MEIKIN: variants seen among roughly 807,000 people sequenced by gnomAD.
The protein encoded by MEIKIN is meiotic kinetochore factor.
At chr5:131,808,253 T>A (rs1054332702) in intron 12 of MEIKIN, among the ~76,000 whole-genome samples, 2 of 152,194 alleles carry the variant, frequency 1.3e-5, no homozygotes, top group African/African-American at 4.8e-5. Context: ...TTCACAGTCA[T>A]CCTCTCCACA....
intron 4 of MEIKIN, among the ~76,000 whole-genome samples, chr5:131,935,267 CAA>C (rs749135114): frequency 1.1e-4 from 4 of 36,628 alleles, no homozygotes; most frequent in African/African-American, 3.8e-4. Flanking sequence ...CCCGTCTCTA[CAA>C]AAAAAAAAAA....
chr5:131,930,947 T>G (rs1751679326), intron 5 of MEIKIN, among the ~76,000 whole-genome samples: 1 of 152,258 alleles, frequency 6.6e-6, no homozygotes, highest in Non-Finnish European at 1.5e-5. Context: ...TCAGACAATT[T>G]GTATATCTCC....
chr5:131,909,716 T>A (rs931872820), intron 8 of MEIKIN, among the ~76,000 whole-genome samples: 1 of 151,930 alleles, frequency 6.6e-6, no homozygotes, highest in Non-Finnish European at 1.5e-5. Context: ...CACAACTCTA[T>A]AGGAAAAACA....
intron 8 of MEIKIN, among the ~76,000 whole-genome samples, chr5:131,910,783 A>T (rs1751322973): frequency 6.6e-6 from 1 of 152,096 alleles, no homozygotes; most frequent in African/African-American, 2.4e-5. Flanking sequence ...TCTCTAGAGT[A>T]AGTGGCTTAT....
chr5:131,901,915 TC>T (rs2149639279), intron 8 of MEIKIN, among the ~76,000 whole-genome samples: 1 of 152,230 alleles, frequency 6.6e-6, no homozygotes, highest in East Asian at 1.9e-4. Context: ...TAGAAGTGGG[TC>T]CAATGTTGGA....
intron 6 of MEIKIN, among the ~76,000 whole-genome samples, chr5:131,917,954 G>T (rs1213745467): frequency 6.6e-6 from 1 of 152,012 alleles, no homozygotes; most frequent in African/African-American, 2.4e-5. Context: ...TCCCCCGAGG[G>T]TCCAGGCATA....
intron 10 of MEIKIN, among the ~76,000 whole-genome samples, chr5:131,853,041 G>A (rs1291631052): frequency 6.6e-6 from 1 of 152,144 alleles, no homozygotes; most frequent in African/African-American, 2.4e-5. Context: ...CTCCCATCAT[G>A]AGCATCTATT....
At chr5:131,836,583 T>C (rs1424776968) in intron 11 of MEIKIN, among the ~76,000 whole-genome samples, 2 of 152,158 alleles carry the variant, frequency 1.3e-5, no homozygotes, top group East Asian at 3.8e-4. Flanking sequence ...TTTTAATAAT[T>C]GCCATTCTAA....
intron 11 of MEIKIN, among the ~76,000 whole-genome samples, chr5:131,841,758 C>A (rs1190631441): frequency 6.6e-6 from 1 of 152,120 alleles, no homozygotes; most frequent in African/African-American, 2.4e-5. Context: ...CCTTCAATTT[C>A]TTTCATTAAT....
chr5:131,911,237 C>T (rs1751331436), intron 8 of MEIKIN, among the ~76,000 whole-genome samples: 1 of 151,878 alleles, frequency 6.6e-6, no homozygotes, highest in African/African-American at 2.4e-5. Flanking sequence ...GAAGATTATG[C>T]AAATATATAT....
chr5:131,870,567 C>T (rs1462995763), intron 9 of MEIKIN, among the ~76,000 whole-genome samples: 1 of 152,156 alleles, frequency 6.6e-6, no homozygotes, highest in Non-Finnish European at 1.5e-5. Context: ...TAGCCAATGG[C>T]CTTCTCAACA....
Position 131,817,777 on chromosome 5 carries a change from G to A in MEIKIN, c.1099+963C>T, listed in dbSNP as rs188396474. Reference sequence around the variant, plus strand: ...TCTCTATAGACTTAGAGAATGCTCAGGGCAGGTACTGTGGAGGAAATAAGT... The same window carrying A: ...TCTCTATAGACTTAGAGAATGCTCAAGGCAGGTACTGTGGAGGAAATAAGT... On this transcript the variant is annotated intron_variant, in intron 12 of 12. Coordinates refer to ENST00000442687, the MANE Select transcript of MEIKIN (RefSeq NM_001303622.2). Among the ~76,000 whole-genome samples, 269 of 152,244 alleles carry A rather than the reference G, an allele frequency of 1.8e-3. 1 individual carries two copies. Among genetic ancestry groups the A allele is most frequent in the Middle Eastern group, 0.014 (4 of 294 alleles).
Position 131,893,445 on chromosome 5 carries a change from C to G in MEIKIN, c.704-14397G>C, listed in dbSNP as rs6876827. 6.0e-3 allele frequency among the ~76,000 whole-genome samples: 918 copies of G among 152,316 alleles called. 8 individuals are homozygous for G. The highest frequency in any genetic ancestry group is 0.021 in the African/African-American group (882 of 41,564). On this transcript the variant is annotated intron_variant, in intron 8 of 12. Transcript: ENST00000442687. ...ATTTGTGAAGCCCGTTGGAAAAGCG[C>G]AGTATTAGCGTGGGAGCGACCCGAT...
At chr5:131,845,608 G>C (rs1332348067) in intron 11 of MEIKIN, among the ~76,000 whole-genome samples, 2 of 62,332 alleles carry the variant, frequency 3.2e-5, no homozygotes, top group Non-Finnish European at 7.3e-5. Context: ...AACCTCAAAA[G>C]AAGCAAAAAA....
At chr5:131,877,590 G>C (rs918980391) in intron 9 of MEIKIN, among the ~76,000 whole-genome samples, 1 of 152,160 alleles carries the variant, frequency 6.6e-6, no homozygotes, top group Non-Finnish European at 1.5e-5. Flanking sequence ...TTTACAGTGA[G>C]TGGTGAGAGA....
At chr5:131,885,343 G>A (rs1362710518) in intron 8 of MEIKIN, among the ~76,000 whole-genome samples, 4 of 1,224 alleles carry the variant, frequency 3.3e-3, no homozygotes, top group African/African-American at 7.6e-3. Context: ...AGAACTGAAA[G>A]AGAGAGAGAG....
chr5:131,872,802 G>A (rs1481930706), intron 9 of MEIKIN, among the ~76,000 whole-genome samples: 5 of 152,256 alleles, frequency 3.3e-5, no homozygotes, highest in South Asian at 2.1e-4. Flanking sequence ...CTGATCTCTC[G>A]GCAGAAACTC....
At chr5:131,937,779 C>A (rs1170580415) in intron 4 of MEIKIN, among the ~76,000 whole-genome samples, 1 of 152,078 alleles carries the variant, frequency 6.6e-6, no homozygotes, top group Non-Finnish European at 1.5e-5. Context: ...CTTATTGCAA[C>A]TGATTATTTT....
chr5:131,873,276 T>C (rs949260020), intron 9 of MEIKIN, among the ~76,000 whole-genome samples: 5 of 152,020 alleles, frequency 3.3e-5, no homozygotes, highest in African/African-American at 9.7e-5. Flanking sequence ...GAGACACACA[T>C]AGGCTCAAAA....
Sources: allele counts gnomAD v4.1 joint callset (sites outside exome capture counted in the v4.1 genomes callset), GRCh38; gene constraint gnomAD v4.1.1; transcripts MANE v1.5; gene names NCBI Gene and HGNC (gene_info 2026-07-23, HGNC 2026-07-21).